TET2: variants seen among roughly 807,000 people sequenced by gnomAD.
TET2 encodes the protein methylcytosine dioxygenase TET2.
A neutral mutation model predicts 142.9 loss-of-function variants in TET2; 299 were observed. The observed-to-expected ratio is 2.09, with a 90% CI of 1.90 to 2.30. TET2 has a LOEUF of 2.30. Among genes scored for constraint, TET2 ranks in the 30% most tolerant of loss-of-function variants. TET2 has a pLI of 0.00. For synonymous variants in TET2, 819 were observed against 849.0 expected, an observed-to-expected ratio of 0.96 and a Z score of 0.61; for missense variants, 2,418 against 2,378.0, an observed-to-expected ratio of 1.02 and a Z score of -0.35.
chr4:105,185,999 G>C (rs935978303), intron 1 of TET2, among the ~76,000 whole-genome samples: 1 of 152,176 alleles, frequency 6.6e-6, no homozygotes, highest in African/African-American at 2.4e-5. Flanking sequence ...GGTTGACGCA[G>C]GTGGATCACT....
intron 2 of TET2, among the ~76,000 whole-genome samples, chr4:105,213,616 GTTC>G (rs1727299283): frequency 6.6e-6 from 1 of 152,154 alleles, no homozygotes; most frequent in Admixed American, 6.6e-5. Flanking sequence ...TACCTAGGAT[GTTC>G]TTCTTTCACT....
intron 8 of TET2, among the ~76,000 whole-genome samples, chr4:105,265,154 A>G (rs148544350): frequency 6.6e-6 from 1 of 152,238 alleles, no homozygotes; most frequent in Non-Finnish European, 1.5e-5. Flanking sequence ...GACATTTTAG[A>G]CAAATGCTTC....
intron 2 of TET2, among the ~76,000 whole-genome samples, chr4:105,225,524 A>G (rs1728137530): frequency 6.6e-6 from 1 of 152,118 alleles, no homozygotes; most frequent in Admixed American, 6.6e-5. Flanking sequence ...TTTCTCTCAT[A>G]CTACGGCAAG....
chr4:105,235,856 G>GA lies in TET2; in HGVS notation c.1916dup (p.Asn639LysfsTer42). 1 of 1,613,954 alleles carries GA rather than the reference G, an allele frequency of 6.2e-7. No homozygotes were observed. The highest frequency in any genetic ancestry group is 8.5e-7 in the Non-Finnish European group (1 of 1,179,976). On this transcript the variant is annotated frameshift_variant, in exon 3 of 11. Coordinates refer to ENST00000380013, the MANE Select transcript of TET2 (RefSeq NM_001127208.3). LOFTEE classifies it high-confidence loss of function. ...AGTCACAAATGTACCAAGTTGAAAT[G>GA]AATCAAGGGCAGTCCCAAGGTACAG...
chr4:105,229,652 TA>T (rs547463581), intron 2 of TET2, among the ~76,000 whole-genome samples: 5,942 of 141,026 alleles, frequency 0.042, 190 homozygotes, highest in African/African-American at 0.09. Context: ...GGAAGTTATT[TA>T]AAAAAAAAAA....
intron 3 of TET2, chr4:105,240,741 T>G: frequency 2.8e-6 from 3 of 1,079,776 alleles, no homozygotes; most frequent in South Asian, 9.1e-5. Flanking sequence ...CAACAGCCCC[T>G]TCTTTTTGCC....
rs1283822556 is a variant in TET2 at position 105,279,395 on chromosome 4, G to T, written c.*2876G>T. On this transcript the variant is annotated 3_prime_UTR_variant, in exon 11 of 11. Coordinates refer to ENST00000380013, the MANE Select transcript of TET2 (RefSeq NM_001127208.3). ...AAAACCTGCCTCAGTTAGAATGAAT[G>T]GAAAGCAGATCTACAATTTGCTAAT... The T allele has an allele frequency of 1.3e-5, 3 of 232,072 alleles. No homozygotes were observed. In the Admixed American group the frequency reaches 1.7e-4, roughly 13 times the overall value. The allele number at this position is 232,072 out of a possible 1,614,324, so 14.4% of individuals were successfully genotyped here. A position where few individuals can be genotyped will look rare whatever the true frequency, so the allele number is the denominator to read the frequency against.
intron 2 of TET2, among the ~76,000 whole-genome samples, chr4:105,230,312 G>A (rs1728434639): frequency 6.6e-6 from 1 of 152,180 alleles, no homozygotes; most frequent in African/African-American, 2.4e-5. Context: ...CCAAAGTGCT[G>A]GGATTATAGG....
In TET2 at chr4:105,276,628, A is replaced by G. The variant is rs1054889196; in HGVS notation, c.*109A>G. ...GGGAAAGGTCACAGTATTCATGACA[A>G]ATGTGGTGGGAAAAACCTCAGCTCA... is the stretch of plus-strand genomic sequence containing the variant. On this transcript the variant is annotated 3_prime_UTR_variant, in exon 11 of 11. Coordinates refer to ENST00000380013, the MANE Select transcript of TET2 (RefSeq NM_001127208.3). 2.2e-5 allele frequency: 28 copies of G among 1,281,570 alleles called. No homozygotes were observed. The African/African-American group carries it at 3.9e-4, about 18-fold the overall frequency. The allele number at this position is 1,281,570 out of a possible 1,614,324, so 79.4% of individuals were successfully genotyped here.
rs1228640890 is a variant in TET2 at position 105,277,330 on chromosome 4, A to G, written c.*811A>G. On this transcript the variant is annotated 3_prime_UTR_variant, in exon 11 of 11. Coordinates refer to ENST00000380013, the MANE Select transcript of TET2 (RefSeq NM_001127208.3). ...TCATCCAGTGAAGTCCTTGTAGGAC[A>G]ATAAACGTATATATGTACATATATA... 3 of 225,048 alleles carry G rather than the reference A, an allele frequency of 1.3e-5. No homozygotes were observed. Among genetic ancestry groups the G allele is most frequent in the Non-Finnish European group, 2.7e-5 (3 of 113,048 alleles). 13.9% of individuals were successfully genotyped at this position (225,048 alleles called of 1,614,324 possible).
intron 2 of TET2, among the ~76,000 whole-genome samples, chr4:105,217,200 GA>G (rs942422049): frequency 7.4e-5 from 11 of 149,204 alleles, no homozygotes; most frequent in African/African-American, 2.4e-4. Flanking sequence ...AGCTCATGGT[GA>G]AAAAAAAAAG....
chr4:105,153,282 T>C (rs767984571), intron 1 of TET2, among the ~76,000 whole-genome samples: 5 of 152,242 alleles, frequency 3.3e-5, no homozygotes, highest in African/African-American at 7.2e-5. Flanking sequence ...CTACTAATCT[T>C]ATTCAGATGT....
chr4:105,146,399 C>A (rs985911808), upstream of TET2: 1 of 152,520 alleles, frequency 6.6e-6, no homozygotes, highest in African/African-American at 2.4e-5. Flanking sequence ...GAGGGCTGCA[C>A]CCTTCCCCGC....
intron 4 of TET2, 103 bp from the exon 5 acceptor site, chr4:105,242,731 G>A (rs1729369938): frequency 9.4e-6 from 14 of 1,489,772 alleles, no homozygotes; most frequent in African/African-American, 1.4e-5. Flanking sequence ...TTCTCAGGAT[G>A]TGGTCATAGA....
intron 6 of TET2, among the ~76,000 whole-genome samples, chr4:105,249,277 A>C (rs993122954): frequency 2.0e-5 from 3 of 152,124 alleles, no homozygotes; most frequent in African/African-American, 7.2e-5. Context: ...CTTCTACCTT[A>C]GCCTCCTAAA....
At chr4:105,162,522 A>G (rs1026748469) in intron 1 of TET2, among the ~76,000 whole-genome samples, 2 of 152,202 alleles carry the variant, frequency 1.3e-5, no homozygotes, top group Non-Finnish European at 2.9e-5. Context: ...TGAACTTAAA[A>G]TAGTAGCTTT....
At chr4:105,255,820 A>C (rs1209805991) in intron 6 of TET2, among the ~76,000 whole-genome samples, 2 of 152,016 alleles carry the variant, frequency 1.3e-5, no homozygotes, top group Non-Finnish European at 2.9e-5. Context: ...TTGATAAGGT[A>C]GGATTTGTCT....
intron 6 of TET2, among the ~76,000 whole-genome samples, chr4:105,244,499 G>C (rs532773986): frequency 1.3e-5 from 2 of 149,346 alleles, no homozygotes; most frequent in South Asian, 4.3e-4. Flanking sequence ...GTTGGAAAAA[G>C]CCTCATTTTT....
At chr4:105,159,733 A>G (rs995502254) in intron 1 of TET2, among the ~76,000 whole-genome samples, 3 of 152,182 alleles carry the variant, frequency 2.0e-5, no homozygotes, top group Non-Finnish European at 4.4e-5. Flanking sequence ...AAAAAATTAC[A>G]TCTTGGCCAG....
Sources: allele counts gnomAD v4.1 joint callset (sites outside exome capture counted in the v4.1 genomes callset), GRCh38; gene constraint gnomAD v4.1.1; transcripts MANE v1.5; gene names NCBI Gene and HGNC (gene_info 2026-07-23, HGNC 2026-07-21).